The following RFX7 variants were observed in gnomAD, a reference collection of about 807,000 sequenced individuals.
The protein encoded by RFX7 is regulatory factor X7.
A neutral mutation model predicts 111.8 loss-of-function variants in RFX7; 26 were observed. The observed-to-expected ratio is 0.23, with a 90% CI of 0.17 to 0.32. RFX7 has a LOEUF of 0.32. RFX7 is among the 10% of genes least tolerant of loss of function. The pLI is 1.00. For missense variants in RFX7, 1,573 were observed against 1,772.9 expected, an observed-to-expected ratio of 0.89 and a Z score of 2.02; for synonymous variants, 624 against 624.4, an observed-to-expected ratio of 1.00 and a Z score of 0.01.
At position 56,088,014 on chromosome 15, in the gene RFX7, G is replaced by A. The variant is rs1281091982; in HGVS notation, c.*5331C>T. The A allele has an allele frequency of 3.2e-6, 1 of 308,034 alleles. No individual in the cohort carries two copies. Among genetic ancestry groups the A allele is most frequent in the South Asian group, 2.7e-5 (1 of 37,494 alleles). 19.1% of individuals were successfully genotyped at this position (308,034 alleles called of 1,614,324 possible). A position where few individuals can be genotyped will look rare whatever the true frequency, so the allele number is the denominator to read the frequency against. Reference sequence around the variant, plus strand: ...TTCTATGGAGAGAAGGGAGGGAAAAGGATTCAAGTAATTTGGAGGAAAATT... The same window carrying A: ...TTCTATGGAGAGAAGGGAGGGAAAAAGATTCAAGTAATTTGGAGGAAAATT... On this transcript the variant is annotated 3_prime_UTR_variant, in exon 10 of 10. Transcript: ENST00000559447.
intron 2 of RFX7, among the ~76,000 whole-genome samples, chr15:56,225,458 TAAA>T (rs2043472294): frequency 6.6e-6 from 1 of 152,164 alleles, no homozygotes; most frequent in African/African-American, 2.4e-5. Context: ...CCAACTTACT[TAAA>T]AACTGATTTT....
intron 2 of RFX7, among the ~76,000 whole-genome samples, chr15:56,199,726 T>C (rs2043176376): frequency 6.6e-6 from 1 of 152,158 alleles, no homozygotes; most frequent in Admixed American, 6.5e-5. Flanking sequence ...ATTCCAATTC[T>C]GCAACTACTA....
intron 5 of RFX7, among the ~76,000 whole-genome samples, chr15:56,135,271 C>A (rs2042282816): frequency 1.3e-5 from 2 of 151,574 alleles, no homozygotes; most frequent in African/African-American, 4.8e-5. Context: ...TCCTCTCCAG[C>A]ACCTGTTGTT....
At chr15:56,232,103 G>A (rs2043565614) in intron 2 of RFX7, among the ~76,000 whole-genome samples, 2 of 152,168 alleles carry the variant, frequency 1.3e-5, no homozygotes, top group African/African-American at 4.8e-5. Context: ...CAGGTGTGCA[G>A]GGCAAGCTAT....
chr15:56,102,787 G>C (rs1354010077), intron 6 of RFX7, among the ~76,000 whole-genome samples: 4 of 152,158 alleles, frequency 2.6e-5, no homozygotes, highest in Non-Finnish European at 5.9e-5. Flanking sequence ...AGTGGTTAGA[G>C]AACACCTGGA....
At chr15:56,201,243 C>T (rs1242659614) in intron 2 of RFX7, among the ~76,000 whole-genome samples, 1 of 152,122 alleles carries the variant, frequency 6.6e-6, no homozygotes, top group Non-Finnish European at 1.5e-5. Flanking sequence ...TTCAGTATCC[C>T]AAATCTGGTC....
intron 2 of RFX7, among the ~76,000 whole-genome samples, chr15:56,232,396 A>AGGGAGGCCCT (rs2043570364): frequency 6.6e-6 from 1 of 152,190 alleles, no homozygotes; most frequent in East Asian, 1.9e-4. Flanking sequence ...TGCAAAGAGC[A>AGGGAGGCCCT]GGGAGGCCCT....
intron 5 of RFX7, among the ~76,000 whole-genome samples, chr15:56,106,014 T>A (rs1236886573): frequency 6.6e-6 from 1 of 152,198 alleles, no homozygotes; most frequent in Non-Finnish European, 1.5e-5. Context: ...AGTTTATGGT[T>A]ACTTGGTGGT....
chr15:56,214,118 T>C (rs1282499742), intron 2 of RFX7, among the ~76,000 whole-genome samples: 3 of 152,278 alleles, frequency 2.0e-5, no homozygotes, highest in South Asian at 2.1e-4. Context: ...TATTTAACCA[T>C]GTGCAAATAC....
At chr15:56,113,029 T>A (rs563845012) in intron 5 of RFX7, among the ~76,000 whole-genome samples, 6 of 152,092 alleles carry the variant, frequency 3.9e-5, no homozygotes, top group African/African-American at 1.2e-4. Flanking sequence ...TGTGGAGAAA[T>A]AGGAACACTT....
intron 3 of RFX7, among the ~76,000 whole-genome samples, chr15:56,151,260 G>C (rs1208758071): frequency 1.3e-5 from 2 of 152,142 alleles, no homozygotes; most frequent in Admixed American, 1.3e-4. Context: ...ATAATCGTCA[G>C]ATTCACCAAG....
At chr15:56,107,734 C>T (rs374645651) in intron 5 of RFX7, among the ~76,000 whole-genome samples, 245 of 152,098 alleles carry the variant, frequency 1.6e-3, no homozygotes, top group African/African-American at 5.7e-3. Flanking sequence ...ATTTTTATTG[C>T]TAATTGATAA....
intron 5 of RFX7, among the ~76,000 whole-genome samples, chr15:56,134,064 C>T (rs753071920): frequency 2.0e-5 from 3 of 152,146 alleles, no homozygotes; most frequent in Non-Finnish European, 4.4e-5. Context: ...AACTACTTGT[C>T]CAATGTTTTC....
At chr15:56,120,348 G>A (rs771115327) in intron 5 of RFX7, among the ~76,000 whole-genome samples, 13 of 152,148 alleles carry the variant, frequency 8.5e-5, no homozygotes, top group Non-Finnish European at 1.2e-4. Flanking sequence ...TGTTGATATT[G>A]TATCCTGCAA....
chr15:56,173,746 G>C (rs1374294049), intron 3 of RFX7, among the ~76,000 whole-genome samples: 2 of 151,804 alleles, frequency 1.3e-5, no homozygotes. Context: ...GTGAGCTGTG[G>C]TTCTGAAATG....
At position 56,134,257 on chromosome 15, in the gene RFX7, T is replaced by C. The variant is rs567141910; in HGVS notation, c.401+8521A>G. 1.4e-4 allele frequency among the ~76,000 whole-genome samples: 21 copies of C among 152,270 alleles called. No individual in the cohort carries two copies. In the South Asian group the frequency reaches 3.5e-3, roughly 26 times the overall value. On this transcript the variant is annotated intron_variant, in intron 5 of 9. Coordinates refer to ENST00000559447, the MANE Select transcript of RFX7 (RefSeq NM_022841.7). ...CATCTATAAAAAGAGGATAGGAACA[T>C]AGTGGAAGACCTACAAGGTCTGTTA...
chr15:56,220,653 A>G (rs1314318252), intron 2 of RFX7, among the ~76,000 whole-genome samples: 1 of 152,110 alleles, frequency 6.6e-6, no homozygotes, highest in Non-Finnish European at 1.5e-5. Flanking sequence ...CTCTGTTGAC[A>G]GTTTCTTCTG....
chr15:56,199,027 G>T (rs189395023), intron 2 of RFX7, among the ~76,000 whole-genome samples: 1 of 151,946 alleles, frequency 6.6e-6, no homozygotes, highest in African/African-American at 2.4e-5. Flanking sequence ...TAAAAGAGAG[G>T]AAGGACTTAG....
At chr15:56,146,958 TGCTAA>T (rs2042483482) in intron 3 of RFX7, among the ~76,000 whole-genome samples, 1 of 152,244 alleles carries the variant, frequency 6.6e-6, no homozygotes, top group Non-Finnish European at 1.5e-5. Context: ...TGTCATCCAC[TGCTAA>T]TTAGTGGCTT....
Sources: allele counts gnomAD v4.1 joint callset (sites outside exome capture counted in the v4.1 genomes callset), GRCh38; gene constraint gnomAD v4.1.1; transcripts MANE v1.5; gene names NCBI Gene and HGNC (gene_info 2026-07-23, HGNC 2026-07-21).